Variants in DAB1 observed in about 807,000 individuals in gnomAD.
DAB1 encodes DAB adaptor protein 1.
Under a neutral mutation model 64.6 loss-of-function variants are expected in DAB1, and 15 were observed. The ratio of observed to expected loss-of-function variants is 0.23; its 90% CI spans 0.16 to 0.36. DAB1 has a LOEUF of 0.36. Ranked by LOEUF, DAB1 falls within the 10% of genes least tolerant of loss-of-function variation. The pLI is 1.00. For missense variants in DAB1, 596 were observed against 706.7 expected (o/e 0.84, Z 1.78); for synonymous variants, 235 against 251.9 (o/e 0.93, Z 0.64).
At chr1:57,732,296 G>C (rs905181520) in intron 6 of DAB1, among the ~76,000 whole-genome samples, 9 of 152,204 alleles carry the variant, frequency 5.9e-5, no homozygotes, top group Non-Finnish European at 1.5e-5. Flanking sequence ...TAAAGGAAAG[G>C]GGGAAAGTGG....
In DAB1 at chr1:57,069,379, G is replaced by A. The variant is rs149741427; in HGVS notation, c.644C>T (p.Thr215Met). ...TTATACCTGATAAATGTTTTCTTCC[G>A]TTTCGGGATCACGGATTGGCTCGTG... ...AGHEPIRDPE[T>M]EENIYQVPTS... The change falls in exon 8 of 15, where the codon ACG (threonine) becomes ATG (methionine). Residue 215 changes from threonine to methionine, a missense_variant. By Grantham distance (81) the Thr-to-Met change is moderately conservative. This residue lies in a region of DAB1 where 176 missense variants were observed against 266.7 expected (regional missense o/e 0.66). Transcript: ENST00000371236. The A allele has an allele frequency of 5.6e-5, 90 of 1,613,364 alleles. No individual in the cohort carries two copies. The highest frequency in any genetic ancestry group is 2.1e-4 in the African/African-American group (16 of 74,972).
intron 6 of DAB1, among the ~76,000 whole-genome samples, chr1:57,652,961 A>G (rs1376135313): frequency 2.6e-5 from 4 of 152,174 alleles, no homozygotes; most frequent in African/African-American, 4.8e-5. Context: ...TTACAATTTT[A>G]CCTTGTTGCA....
At chr1:57,976,559 C>T (rs1480626896) in intron 5 of DAB1, among the ~76,000 whole-genome samples, 2 of 152,122 alleles carry the variant, frequency 1.3e-5, no homozygotes, top group East Asian at 1.9e-4. Context: ...AAACATTCAT[C>T]AGGCTCATCA....
chr1:58,372,643 T>A (rs1364461847), intron 3 of DAB1, among the ~76,000 whole-genome samples: 1 of 152,222 alleles, frequency 6.6e-6, no homozygotes, highest in Non-Finnish European at 1.5e-5. Context: ...AAGCTCATCT[T>A]GAATTATAAT....
At chr1:57,432,977 A>G (rs1296904078) in intron 7 of DAB1, among the ~76,000 whole-genome samples, 1 of 152,214 alleles carries the variant, frequency 6.6e-6, no homozygotes. Context: ...TTAAAATATC[A>G]TTTATAATAA....
At chr1:57,473,142 C>T (rs1687200933) in intron 7 of DAB1, among the ~76,000 whole-genome samples, 1 of 152,170 alleles carries the variant, frequency 6.6e-6, no homozygotes, top group Non-Finnish European at 1.5e-5. Context: ...AGTCAAGAGC[C>T]AGTAGTCAGA....
At position 58,068,541 on chromosome 1, in the gene DAB1, G is replaced by A. The variant is rs548451786; in HGVS notation, n.387+81970C>T. ...AGCACTTTGGGGGGCAGAGGCGGGC[G>A]GATCACGAGGTCAGGAGATCGAGAC... On this transcript the variant is annotated intron_variant and non_coding_transcript_variant, in intron 5 of 20. Transcript: ENST00000485760. 1.6e-3 allele frequency among the ~76,000 whole-genome samples: 240 copies of A among 152,036 alleles called. 2 individuals are homozygous for A. Among genetic ancestry groups the A allele is most frequent in the African/African-American group, 5.4e-3 (226 of 41,510 alleles).
chr1:58,131,879 T>C (rs1471342340), intron 5 of DAB1, among the ~76,000 whole-genome samples: 5 of 150,168 alleles, frequency 3.3e-5, no homozygotes, highest in Non-Finnish European at 7.4e-5. Flanking sequence ...GACAGGGACA[T>C]TTAAGTCTGC....
intron 2 of DAB1, among the ~76,000 whole-genome samples, chr1:58,524,418 C>T (rs1646317468): frequency 6.6e-6 from 1 of 152,182 alleles, no homozygotes; most frequent in South Asian, 2.1e-4. Flanking sequence ...GATCTTTCAT[C>T]TTCCTTTTAA....
At chr1:57,155,163 C>A (rs1488404285) in intron 2 of DAB1, among the ~76,000 whole-genome samples, 1 of 152,144 alleles carries the variant, frequency 6.6e-6, no homozygotes, top group African/African-American at 2.4e-5. Flanking sequence ...AGACTGAGGT[C>A]TTATATTTAA....
chr1:58,511,125 G>A (rs1477403332), intron 2 of DAB1, among the ~76,000 whole-genome samples: 1 of 151,964 alleles, frequency 6.6e-6, no homozygotes, highest in Admixed American at 6.6e-5. Flanking sequence ...CAGAAAAAAC[G>A]ATCCTAAAAT....
intron 5 of DAB1, among the ~76,000 whole-genome samples, chr1:58,061,921 C>A (rs115586832): frequency 1.3e-5 from 2 of 152,104 alleles, no homozygotes; most frequent in African/African-American, 4.8e-5. Flanking sequence ...ATCTGCTATC[C>A]GCAAATTAAC....
At position 57,007,430 on chromosome 1, in the gene DAB1, C is replaced by G. The variant is rs140923361; in HGVS notation, c.*15+3250G>C. ...AATTACCTGCCATTCCCATACCAGT[C>G]ATTATAATATTATTTTGGTTCTTTT... On this transcript the variant is annotated intron_variant, in intron 14 of 14. Transcript: ENST00000371236. Among the ~76,000 whole-genome samples the G allele has an allele frequency of 2.4e-3, 367 of 152,304 alleles. 2 individuals are homozygous for G. Among genetic ancestry groups the G allele is most frequent in the African/African-American group, 8.5e-3 (354 of 41,558 alleles).
chr1:58,246,088 T>C (rs1354573985), intron 4 of DAB1, among the ~76,000 whole-genome samples: 1 of 150,922 alleles, frequency 6.6e-6, no homozygotes, highest in Admixed American at 6.6e-5. Flanking sequence ...CACTTCCGTA[T>C]CGTTTGAATT....
intron 2 of DAB1, among the ~76,000 whole-genome samples, chr1:57,150,138 C>T (rs546690490): frequency 3.9e-5 from 6 of 152,282 alleles, no homozygotes; most frequent in Admixed American, 2.6e-4. Flanking sequence ...TGGTAAGTTC[C>T]TTTACATGTC....
chr1:57,665,009 A>G (rs551562421), intron 6 of DAB1, among the ~76,000 whole-genome samples: 2 of 152,154 alleles, frequency 1.3e-5, no homozygotes, highest in African/African-American at 4.8e-5. Flanking sequence ...ATTTATTATT[A>G]CTTTAGAGGA....
chr1:57,122,803 T>C (rs1656780120), intron 4 of DAB1, among the ~76,000 whole-genome samples: 1 of 152,124 alleles, frequency 6.6e-6, no homozygotes, highest in Non-Finnish European at 1.5e-5. Context: ...CATTAATAAA[T>C]ATTTGTGGAA....
At chr1:57,019,159 A>T (rs1315378769) in intron 11 of DAB1, among the ~76,000 whole-genome samples, 2 of 152,186 alleles carry the variant, frequency 1.3e-5, no homozygotes, top group East Asian at 3.9e-4. Flanking sequence ...GCTGGCAGGA[A>T]CTCTTTATTC....
At chr1:57,072,213 C>G (rs976731932) in intron 5 of DAB1, 70 bp downstream of exon 5, 35 of 1,569,348 alleles carry the variant, frequency 2.2e-5, no homozygotes, top group Non-Finnish European at 3.0e-5. Context: ...CCCTCAAAGA[C>G]CAACGGAGTC....
Sources: gnomAD v4.1 joint callset for allele counts (sites outside exome capture counted in the v4.1 genomes callset) on GRCh38, gnomAD v4.1.1 for gene constraint, gnomAD v4.1.1 regional missense constraint, MANE v1.5 for transcripts, NCBI Gene and HGNC (gene_info 2026-07-23, HGNC 2026-07-21) for gene names.